The following MYH16 variants were observed in gnomAD, a reference collection of about 807,000 sequenced individuals.
The protein encoded by MYH16 is myosin heavy chain 16, also known as putative uncharacterized protein MYH16.
At chr7:99,279,903 G>A (rs766427570) in intron 22 of MYH16, among the ~76,000 whole-genome samples, 166 bp downstream of exon 4, 10 of 151,854 alleles carry the variant, frequency 6.6e-5, no homozygotes, top group Non-Finnish European at 1.2e-4. Flanking sequence ...TCTCGCTCTC[G>A]CTGTGTCACG....
At chr7:99,261,672 C>T (rs1791939181) in intron 13 of MYH16, 1 of 152,978 alleles carries the variant, frequency 6.5e-6, no homozygotes. Flanking sequence ...GTTTCAGGTC[C>T]CAGCTGGCTG....
chr7:99,266,558 G>C (rs1304573425), intron 17 of MYH16, among the ~76,000 whole-genome samples: 3 of 152,148 alleles, frequency 2.0e-5, no homozygotes, highest in African/African-American at 7.2e-5. Flanking sequence ...CTGATGTCTG[G>C]ATCAATGCCC....
intron 11 of MYH16, among the ~76,000 whole-genome samples, chr7:99,259,675 G>A (rs945869987): frequency 6.6e-6 from 1 of 150,768 alleles, no homozygotes; most frequent in African/African-American, 2.4e-5. Flanking sequence ...CCAGGCTGGA[G>A]ACCTCATCTC....
chr7:99,283,896 A>G, exon 25 of MYH16: 1 of 456,472 alleles, frequency 2.2e-6, no homozygotes, highest in Non-Finnish European at 4.4e-6. Context: ...GGGAGCAGGA[A>G]AAGAAAATCC....
At chr7:99,251,429 A>T (rs1791807629) in intron 6 of MYH16, among the ~76,000 whole-genome samples, 2 of 152,250 alleles carry the variant, frequency 1.3e-5, no homozygotes, top group African/African-American at 4.8e-5. Flanking sequence ...GACTCTTCCT[A>T]GCCAGTCCAA....
At chr7:99,287,479 A>G (rs1792294999) in intron 28 of MYH16, among the ~76,000 whole-genome samples, 1 of 146,658 alleles carries the variant, frequency 6.8e-6, no homozygotes, top group Non-Finnish European at 1.5e-5. Flanking sequence ...GGTTGCAGTG[A>G]GCCGAGATGT....
At chr7:99,309,619 G>A (rs1025231928), downstream of MYH16, among the ~76,000 whole-genome samples, 6 of 152,324 alleles carry the variant, frequency 3.9e-5, no homozygotes, top group Admixed American at 3.9e-4. Flanking sequence ...CTACTCATGA[G>A]GCTTCCTGTA....
intron 19 of MYH16, among the ~76,000 whole-genome samples, chr7:99,271,504 C>T (rs985491096): frequency 6.6e-6 from 1 of 151,958 alleles, no homozygotes. Context: ...AGCAAAACTC[C>T]GTCTCAAAAA....
At chr7:99,293,653 C>T (rs1000493301) in intron 32 of MYH16, among the ~76,000 whole-genome samples, 4 of 152,210 alleles carry the variant, frequency 2.6e-5, no homozygotes, top group African/African-American at 9.6e-5. Context: ...CTGCCTGTCC[C>T]CTTCCTGGCT....
chr7:99,297,541 C>T (rs1202808792), intron 34 of MYH16, 119 bp from the exon 16 acceptor site: 1 of 365,528 alleles, frequency 2.7e-6, no homozygotes, highest in East Asian at 7.3e-5. Flanking sequence ...TGTGGTGGCT[C>T]ATGTCTGCAA....
exon 24 of MYH16, chr7:99,283,643 A>C: frequency 2.2e-6 from 1 of 456,614 alleles, no homozygotes; most frequent in South Asian, 1.5e-5. Flanking sequence ...GAGCACGCAG[A>C]TCCATGAGGT....
In MYH16 at chr7:99,283,657, A is replaced by T. The variant is rs1345414063; in HGVS notation, n.3079+6A>T. On this transcript the variant is annotated splice_donor_region_variant and intron_variant and non_coding_transcript_variant, in intron 24 of 41. Transcript: ENST00000439784. Reference sequence around the variant, plus strand: ...TGAGCACGCAGATCCATGAGGTAATACCCATTGCTGTGGCCACCTCTACAA... The same window carrying T: ...TGAGCACGCAGATCCATGAGGTAATTCCCATTGCTGTGGCCACCTCTACAA... 3 of 456,488 alleles carry T rather than the reference A, an allele frequency of 6.6e-6. No homozygotes were observed. Among genetic ancestry groups the T allele is most frequent in the Admixed American group, 2.3e-5 (1 of 42,568 alleles). 28.3% of individuals were successfully genotyped at this position (456,488 alleles called of 1,614,324 possible).
chr7:99,285,256 C>T (rs1342129079), intron 26 of MYH16, 126 bp from the exon 9 acceptor site: 2 of 408,320 alleles, frequency 4.9e-6, no homozygotes, highest in African/African-American at 2.1e-5. Flanking sequence ...CTGGGATCTG[C>T]CTCTCTCTGC....
intron 30 of MYH16, among the ~76,000 whole-genome samples, chr7:99,290,504 A>G (rs185114227): frequency 4.3e-4 from 63 of 144,938 alleles, no homozygotes; most frequent in African/African-American, 6.3e-4. Context: ...AAAAAAAAAA[A>G]AAAATCAATA....
intron 28 of MYH16, among the ~76,000 whole-genome samples, chr7:99,287,257 G>C (rs376253750): frequency 3.3e-5 from 5 of 152,218 alleles, no homozygotes; most frequent in Admixed American, 1.3e-4. Context: ...GTCCGGCCGG[G>C]CACGGTGGCT....
At chr7:99,240,273 C>T (rs1791652370) in intron 1 of MYH16, among the ~76,000 whole-genome samples, 1 of 152,032 alleles carries the variant, frequency 6.6e-6, no homozygotes, top group Non-Finnish European at 1.5e-5. Flanking sequence ...GATTCAAACC[C>T]ACTGTATCTG....
intron 9 of MYH16, among the ~76,000 whole-genome samples, chr7:99,256,109 C>T (rs1791869210): frequency 6.6e-6 from 1 of 151,776 alleles, no homozygotes; most frequent in South Asian, 2.1e-4. Flanking sequence ...TTTATCTTTG[C>T]CTTCCCCTCA....
At chr7:99,287,482 C>T (rs1053161397) in intron 28 of MYH16, among the ~76,000 whole-genome samples, 8 of 142,242 alleles carry the variant, frequency 5.6e-5, no homozygotes, top group Middle Eastern at 3.8e-3. Context: ...TGCAGTGAGC[C>T]GAGATGTGCC....
intron 2 of MYH16, among the ~76,000 whole-genome samples, chr7:99,243,793 T>TCATC (rs773793560): frequency 0.026 from 3,931 of 150,484 alleles, 160 homozygotes; most frequent in African/African-American, 0.089. Flanking sequence ...ATCCATTCAT[T>TCATC]CATCCATCCA....
Sources: allele counts gnomAD v4.1 joint callset (sites outside exome capture counted in the v4.1 genomes callset), GRCh38; gene constraint gnomAD v4.1.1; transcripts MANE v1.5; gene names NCBI Gene and HGNC (gene_info 2026-07-23, HGNC 2026-07-21).